ANKRD28: variants seen among roughly 807,000 people sequenced by gnomAD.
The protein encoded by ANKRD28 is ankyrin repeat domain 28.
Under a neutral mutation model 126.5 loss-of-function variants are expected in ANKRD28, and 44 were observed. That is an observed-to-expected ratio of 0.35 (90% CI 0.27 to 0.45). ANKRD28 has a LOEUF of 0.45. Among genes scored for constraint, ANKRD28 ranks in the 20% least tolerant of loss-of-function variants. The pLI is 1.00. For synonymous variants in ANKRD28, 442 were observed against 468.5 expected, an observed-to-expected ratio of 0.94 and a Z score of 0.73; for missense variants, 1,110 against 1,316.6, an observed-to-expected ratio of 0.84 and a Z score of 2.43.
intron 2 of ANKRD28, among the ~76,000 whole-genome samples, chr3:15,784,262 A>C (rs1424994562): frequency 6.6e-6 from 1 of 152,178 alleles, no homozygotes; most frequent in East Asian, 1.9e-4. Flanking sequence ...TTGATCTAAC[A>C]GACAATAGTT....
intron 2 of ANKRD28, among the ~76,000 whole-genome samples, chr3:15,767,079 C>G (rs1488445200): frequency 2.6e-5 from 4 of 152,122 alleles, no homozygotes; most frequent in African/African-American, 9.7e-5. Flanking sequence ...TTACTTTCAT[C>G]TCCAAAATAT....
chr3:15,677,112 T>C, intron 25 of ANKRD28, 56 bp from the exon 26 acceptor site: 5 of 1,367,726 alleles, frequency 3.7e-6, no homozygotes, highest in Non-Finnish European at 5.2e-6. Flanking sequence ...GATACATTTA[T>C]ACACCCAACA....
At chr3:15,777,673 T>G (rs927838239) in intron 2 of ANKRD28, among the ~76,000 whole-genome samples, 6 of 152,088 alleles carry the variant, frequency 3.9e-5, no homozygotes, top group Non-Finnish European at 8.8e-5. Flanking sequence ...TCAATAAACT[T>G]GAAACAGAAA....
rs1183730896 is a variant in ANKRD28, at chr3:15,669,145, T to A, written c.*1125A>T. ...ACCTAAGGCTTTAGTATTTTAAATC[T>A]TGCCCAATACAGAAATGCCTTTCAA... is the stretch of plus-strand genomic sequence containing the variant. On this transcript the variant is annotated 3_prime_UTR_variant, in exon 28 of 28. Transcript: ENST00000683139. 6.6e-6 allele frequency: 1 copy of A among 152,234 alleles called. No individual in the cohort carries two copies. The highest frequency in any genetic ancestry group is 1.5e-5 in the Non-Finnish European group (1 of 68,030). The allele number at this position is 152,234 out of a possible 1,614,324, so 9.4% of individuals were successfully genotyped here.
At chr3:15,766,201 T>C in intron 3 of ANKRD28, 33 bp downstream of exon 3, 7 of 1,504,084 alleles carry the variant, frequency 4.7e-6, no homozygotes, top group African/African-American at 1.4e-5. Context: ...AAAATATACA[T>C]AATGTGTTCT....
At position 15,667,617 on chromosome 3, in the gene ANKRD28, T is replaced by C. The variant is rs951963319; in HGVS notation, c.*2653A>G. On this transcript the variant is annotated 3_prime_UTR_variant, in exon 28 of 28. Transcript: ENST00000683139. ...TTCATTCAAGTAATTAATGTACTTATTCCAACAATACTGGCGTAGTTCAAA... is the reference window on the plus strand; with the variant it reads ...TTCATTCAAGTAATTAATGTACTTACTCCAACAATACTGGCGTAGTTCAAA... 6.6e-6 allele frequency: 1 copy of C among 152,220 alleles called. No homozygotes were observed. The highest frequency in any genetic ancestry group is 1.5e-5 in the Non-Finnish European group (1 of 68,038). 9.4% of individuals were successfully genotyped at this position (152,220 alleles called of 1,614,324 possible).
At chr3:15,707,799 C>A in intron 14 of ANKRD28, 125 bp downstream of exon 14, 1 of 1,184,116 alleles carries the variant, frequency 8.4e-7, no homozygotes, top group South Asian at 1.6e-5. Flanking sequence ...CCAAAATAGA[C>A]TTAGGGCAAA....
At chr3:15,764,249 G>A (rs1042527976) in intron 3 of ANKRD28, among the ~76,000 whole-genome samples, 1 of 152,106 alleles carries the variant, frequency 6.6e-6, no homozygotes, top group Non-Finnish European at 1.5e-5. Context: ...TTTTTTAAAG[G>A]TAAGTTCAAA....
chr3:15,779,253 T>A (rs1401150898), intron 2 of ANKRD28, among the ~76,000 whole-genome samples: 1 of 152,164 alleles, frequency 6.6e-6, no homozygotes, highest in Admixed American at 6.5e-5. Context: ...CAACTGATAA[T>A]CTGATATAAG....
At chr3:15,859,451 C>A (rs1433597915) in exon 1 of ANKRD28, 1 of 1,487,232 alleles carries the variant, frequency 6.7e-7, no homozygotes, top group Non-Finnish European at 9.0e-7. Context: ...TCCGCCGCTG[C>A]CGCTGCCGCC....
In ANKRD28 at chr3:15,724,639, G is replaced by A. The variant is rs1575401045; in HGVS notation, c.641-115C>T. Reference sequence around the variant, plus strand: ...ATGCAAAATAGATGATGCATGACAAGTCATCAATGAATCATGTTAACTTGA... The same window carrying A: ...ATGCAAAATAGATGATGCATGACAAATCATCAATGAATCATGTTAACTTGA... On this transcript the variant is annotated intron_variant, in intron 6 of 27. Transcript: ENST00000683139. 5 of 929,376 alleles carry A rather than the reference G, an allele frequency of 5.4e-6. No homozygotes were observed. In the East Asian group the frequency reaches 1.3e-4, roughly 25 times the overall value. The allele number at this position is 929,376 out of a possible 1,614,324, so 57.6% of individuals were successfully genotyped here. A position where few individuals can be genotyped will look rare whatever the true frequency, so the allele number is the denominator to read the frequency against.
At chr3:15,744,804 T>G (rs2057369183) in intron 4 of ANKRD28, among the ~76,000 whole-genome samples, 1 of 152,216 alleles carries the variant, frequency 6.6e-6, no homozygotes, top group South Asian at 2.1e-4. Context: ...TTTAGTTCTT[T>G]AAGGAATTTC....
chr3:15,688,948 T>TC (rs1279112066), intron 18 of ANKRD28, among the ~76,000 whole-genome samples: 1 of 152,234 alleles, frequency 6.6e-6, no homozygotes, highest in Non-Finnish European at 1.5e-5. Context: ...ATTATACCAA[T>TC]CCAAAATAAC....
Position 15,814,493 on chromosome 3 carries a change from ATCTGGGC to A in ANKRD28, c.28-19194_28-19188del, listed in dbSNP as rs1467477114. ...CCTTCTATCAAGAAAAAAAATACTA[ATCTGGGC>A]AACAAAACATTTTTTAAAGGCTTTC... On this transcript the variant is annotated intron_variant, in intron 1 of 27. Transcript: ENST00000399451. The surrounding 1 kb of genome is among the most constrained non-coding windows in gnomAD (Gnocchi z 4.7). 3.3e-5 allele frequency among the ~76,000 whole-genome samples: 5 copies of A among 152,310 alleles called. No homozygotes were observed. Among genetic ancestry groups the A allele is most frequent in the African/African-American group, 1.2e-4 (5 of 41,582 alleles).
chr3:15,808,091 GCAGTAGGGAAAA>G (rs2060626941), intron 1 of ANKRD28, among the ~76,000 whole-genome samples: 1 of 152,202 alleles, frequency 6.6e-6, no homozygotes, highest in Admixed American at 6.5e-5. Flanking sequence ...ACAAGGCTAA[GCAGTAGGGAAAA>G]CTGGATTCTA....
chr3:15,805,112 A>G (rs2060549459), intron 1 of ANKRD28, among the ~76,000 whole-genome samples: 1 of 143,396 alleles, frequency 7.0e-6, no homozygotes, highest in Non-Finnish European at 1.5e-5. Context: ...TTAAATCAAT[A>G]TTTAGATGAC....
intron 1 of ANKRD28, among the ~76,000 whole-genome samples, chr3:15,832,838 A>G (rs561493915): frequency 6.6e-6 from 1 of 152,304 alleles, no homozygotes; most frequent in South Asian, 2.1e-4. Context: ...CTGTTGATGG[A>G]TATTTAGGCT....
Position 15,838,719 on chromosome 3 carries a change from G to T in ANKRD28, c.27+20658C>A, listed in dbSNP as rs1444890743. Reference sequence around the variant, plus strand: ...GCCGGGACCACGCCACTGCACTCCAGCCTGGGCAACAAGAACGAAACTCCG... The same window carrying T: ...GCCGGGACCACGCCACTGCACTCCATCCTGGGCAACAAGAACGAAACTCCG... On this transcript the variant is annotated intron_variant, in intron 1 of 27. Coordinates refer to the ANKRD28 transcript ENST00000399451. The surrounding 1 kb of genome is among the most constrained non-coding windows in gnomAD (Gnocchi z 4.0). Among the ~76,000 whole-genome samples the T allele has an allele frequency of 2.0e-5, 3 of 150,030 alleles. No individual in the cohort carries two copies. Among genetic ancestry groups the T allele is most frequent in the African/African-American group, 7.3e-5 (3 of 40,830 alleles).
chr3:15,837,460 ATAAG>A (rs1268510878), intron 1 of ANKRD28, among the ~76,000 whole-genome samples: 2 of 152,232 alleles, frequency 1.3e-5, no homozygotes, highest in Non-Finnish European at 2.9e-5. Flanking sequence ...CAATCACTGT[ATAAG>A]TAAATTAGAA....
Sources: gnomAD v4.1 joint callset for allele counts (sites outside exome capture counted in the v4.1 genomes callset) on GRCh38, gnomAD v4.1.1 for gene constraint, Gnocchi (gnomAD v3.1) non-coding constraint, MANE v1.5 for transcripts, NCBI Gene and HGNC (gene_info 2026-07-23, HGNC 2026-07-21) for gene names.